Variants in PARD3B observed in about 807,000 individuals in gnomAD.
The protein encoded by PARD3B is par-3 family cell polarity regulator beta.
A neutral mutation model predicts 130.2 loss-of-function variants in PARD3B; 103 were observed. That is an observed-to-expected ratio of 0.79 (90% CI 0.67 to 0.93). The LOEUF (loss-of-function observed/expected upper bound fraction) is 0.93, where lower values mean the gene tolerates loss of function less well. Ranked by LOEUF, PARD3B falls within the 40% of genes least tolerant of loss-of-function variation. The pLI is 0.00. For missense variants in PARD3B, 1,609 were observed against 1,499.2 expected (o/e 1.07, Z -1.21); for synonymous variants, 583 against 553.2 (o/e 1.05, Z -0.76).
intron 1 of PARD3B, among the ~76,000 whole-genome samples, chr2:204,653,528 T>A (rs561392983): frequency 1.3e-5 from 2 of 151,018 alleles, no homozygotes; most frequent in South Asian, 2.1e-4. Context: ...CAGTGGCTCA[T>A]GCCTGTAATC....
chr2:205,083,248 A>G (rs1376605476), intron 4 of PARD3B, among the ~76,000 whole-genome samples: 1 of 152,038 alleles, frequency 6.6e-6, no homozygotes, highest in Non-Finnish European at 1.5e-5. Flanking sequence ...AAAATAGGAA[A>G]AGGTACTAGA....
At chr2:205,188,899 T>G (rs2036244565) in intron 14 of PARD3B, among the ~76,000 whole-genome samples, 1 of 152,046 alleles carries the variant, frequency 6.6e-6, no homozygotes, top group South Asian at 2.1e-4. Flanking sequence ...AAAAACAAAT[T>G]TGATCAAACT....
intron 6 of PARD3B, among the ~76,000 whole-genome samples, chr2:205,114,996 A>C (rs183846962): frequency 2.4e-4 from 37 of 152,238 alleles, no homozygotes; most frequent in African/African-American, 8.4e-4. Context: ...AAGTATACTG[A>C]CAGAATTTTG....
chr2:205,372,147 A>C (rs1041781343), intron 18 of PARD3B, among the ~76,000 whole-genome samples: 1 of 152,192 alleles, frequency 6.6e-6, no homozygotes, highest in Non-Finnish European at 1.5e-5. Flanking sequence ...GCATGAATAT[A>C]TGCTTTCATT....
chr2:204,922,460 T>C (rs1204855652), intron 2 of PARD3B, among the ~76,000 whole-genome samples: 1 of 152,060 alleles, frequency 6.6e-6, no homozygotes, highest in African/African-American at 2.4e-5. Flanking sequence ...TAAGAAATTT[T>C]TTTTTCTTGG....
chr2:205,355,391 G>A (rs935525103), intron 18 of PARD3B, among the ~76,000 whole-genome samples: 1 of 152,158 alleles, frequency 6.6e-6, no homozygotes, highest in Non-Finnish European at 1.5e-5. Flanking sequence ...TGCAAAGGTA[G>A]TAACAGAAAT....
At position 204,610,792 on chromosome 2, in the gene PARD3B, C is replaced by G. The variant is rs2033892815; in HGVS notation, c.120+64673C>G. Among the ~76,000 whole-genome samples the G allele has an allele frequency of 6.6e-6, 1 of 152,132 alleles. No homozygotes were observed. The highest frequency in any genetic ancestry group is 2.1e-4 in the South Asian group (1 of 4,828). On this transcript the variant is annotated intron_variant, in intron 1 of 22. Coordinates refer to ENST00000406610, the MANE Select transcript of PARD3B (RefSeq NM_001302769.2). This position sits in a 1 kb window ranked among gnomAD's most constrained non-coding sequence, Gnocchi z 4.1. Reference sequence around the variant, plus strand: ...AAGAACAAATACATGGCCAGTGGTTCCAATCCATGTTACAGCTGTCCAACA... The same window carrying G: ...AAGAACAAATACATGGCCAGTGGTTGCAATCCATGTTACAGCTGTCCAACA...
intron 2 of PARD3B, among the ~76,000 whole-genome samples, chr2:204,911,565 C>T (rs2047237670): frequency 6.6e-6 from 1 of 152,068 alleles, no homozygotes; most frequent in Non-Finnish European, 1.5e-5. Flanking sequence ...GAGCATTAAC[C>T]AGAAATTTTC....
intron 3 of PARD3B, among the ~76,000 whole-genome samples, chr2:205,043,963 C>A (rs1028073962): frequency 6.8e-6 from 1 of 146,110 alleles, no homozygotes; most frequent in Non-Finnish European, 1.5e-5. Context: ...CCCCTCCCCC[C>A]AACCCACCAC....
At chr2:205,443,020 CTCTTA>C (rs1477255038) in intron 20 of PARD3B, among the ~76,000 whole-genome samples, 1 of 152,170 alleles carries the variant, frequency 6.6e-6, no homozygotes, top group Non-Finnish European at 1.5e-5. Flanking sequence ...CTTTATCCTG[CTCTTA>C]TCTTTAATTA....
Position 205,158,893 on chromosome 2 carries a change from G to C in PARD3B, c.1606G>C (p.Gly536Arg). Residue 536 changes from glycine (G) to arginine (R), a missense_variant, in exon 11 of 23, where the codon GGC becomes CGC. Gly to Arg is a moderately radical substitution (Grantham distance 125). Transcript: ENST00000406610. The surrounding 1 kb of genome is among the most constrained non-coding windows in gnomAD (Gnocchi z 5.4). The stretch of plus-strand genomic sequence containing the variant: ...TTTTATCAAATCCATCATTCATGGA[G>C]GCGCTGCTTTTAAGGTGGGTAGGAA... Reference protein sequence around the residue: ...GIFIKSIIHGGAAFKDGRLRM... With the variant: ...GIFIKSIIHGRAAFKDGRLRM... 1.2e-6 allele frequency: 2 copies of C among 1,613,866 alleles called. No individual in the cohort carries two copies. The highest frequency in any genetic ancestry group is 1.7e-6 in the Non-Finnish European group (2 of 1,180,010).
At position 205,397,071 on chromosome 2, in the gene PARD3B, A is replaced by C. The variant is rs75882458; in HGVS notation, c.2631-3942A>C. On this transcript the variant is annotated intron_variant, in intron 18 of 22. Transcript: ENST00000406610. This position sits in a 1 kb window ranked among gnomAD's most constrained non-coding sequence, Gnocchi z 4.8. ...CTGATAATTAAGTTGTCTTATTGCA[A>C]AATGAAAAAGAATTCAGTGTGTTAA... Among the ~76,000 whole-genome samples, 485 of 152,348 alleles carry C rather than the reference A, an allele frequency of 3.2e-3. 3 individuals are homozygous for C. In the East Asian group the frequency reaches 0.036, roughly 11 times the overall value.
chr2:204,737,949 CA>C (rs1184162589), intron 2 of PARD3B, among the ~76,000 whole-genome samples: 1 of 152,132 alleles, frequency 6.6e-6, no homozygotes, highest in African/African-American at 2.4e-5. Flanking sequence ...ATACCAGTAC[CA>C]TGCTGTTTTG....
intron 16 of PARD3B, among the ~76,000 whole-genome samples, chr2:205,251,680 T>C (rs963417019): frequency 1.1e-4 from 16 of 152,172 alleles, no homozygotes; most frequent in Non-Finnish European, 2.4e-4. Flanking sequence ...GTTATGGCCA[T>C]TTAAAAAATA....
chr2:205,472,167 G>T (rs144192669), intron 20 of PARD3B, among the ~76,000 whole-genome samples: 1 of 152,208 alleles, frequency 6.6e-6, no homozygotes, highest in South Asian at 2.1e-4. Flanking sequence ...GGTAACATAG[G>T]ATGCATAAAA....
chr2:205,330,337 C>T (rs62171497), intron 18 of PARD3B, among the ~76,000 whole-genome samples: 4 of 150,798 alleles, frequency 2.7e-5, no homozygotes, highest in Non-Finnish European at 4.4e-5. Context: ...CCAGACTCCA[C>T]CCCAAAAAAA....
chr2:204,653,919 G>A (rs566730231), intron 1 of PARD3B, among the ~76,000 whole-genome samples: 3 of 151,148 alleles, frequency 2.0e-5, no homozygotes, highest in African/African-American at 4.9e-5. Flanking sequence ...TGATGACAAC[G>A]TACACTATTT....
intron 1 of PARD3B, among the ~76,000 whole-genome samples, chr2:204,629,673 C>T (rs2034613049): frequency 6.6e-6 from 1 of 152,156 alleles, no homozygotes; most frequent in Non-Finnish European, 1.5e-5. Context: ...AGACGTAGTG[C>T]TAAGATTTTT....
Position 205,158,211 on chromosome 2 carries a change from C to T in PARD3B, c.1435-511C>T, listed in dbSNP as rs1284712269. ...ATTTTTACTGTGTCTTATTAACAAA[C>T]TTTACCAATAGTGTTGTTTCCATAG... On this transcript the variant is annotated intron_variant, in intron 10 of 22. Coordinates refer to ENST00000406610, the MANE Select transcript of PARD3B (RefSeq NM_001302769.2). This position sits in a 1 kb window ranked among gnomAD's most constrained non-coding sequence, Gnocchi z 5.4. Among the ~76,000 whole-genome samples the T allele has an allele frequency of 6.6e-6, 1 of 152,104 alleles. No individual in the cohort carries two copies. The highest frequency in any genetic ancestry group is 1.5e-5 in the Non-Finnish European group (1 of 67,996).
Sources: gnomAD v4.1 joint callset for allele counts (sites outside exome capture counted in the v4.1 genomes callset) on GRCh38, gnomAD v4.1.1 for gene constraint, Gnocchi (gnomAD v3.1) non-coding constraint, MANE v1.5 for transcripts, NCBI Gene and HGNC (gene_info 2026-07-23, HGNC 2026-07-21) for gene names.